ARMC3: variants seen among roughly 807,000 people sequenced by gnomAD.
ARMC3 encodes armadillo repeat containing 3.
Under a neutral mutation model 90.3 loss-of-function variants are expected in ARMC3, and 74 were observed. The observed-to-expected ratio is 0.82, with a 90% confidence interval of 0.68 to 0.99. The LOEUF is 0.99. Ranked by LOEUF, ARMC3 falls within the 50% of genes least tolerant of loss-of-function variation. ARMC3 has a pLI of 0.00. For missense variants in ARMC3, 958 were observed against 1,042.8 expected (o/e 0.92, Z 1.12); for synonymous variants, 334 against 361.8 (o/e 0.92, Z 0.87).
chr10:22,969,473 C>T (rs1043427480), intron 8 of ARMC3, among the ~76,000 whole-genome samples: 6 of 152,112 alleles, frequency 3.9e-5, no homozygotes, highest in Admixed American at 1.3e-4. Flanking sequence ...GGAAACACTC[C>T]ATTTTCAGCA....
chr10:22,972,331 T>G (rs1203261814), intron 8 of ARMC3, among the ~76,000 whole-genome samples: 1 of 152,212 alleles, frequency 6.6e-6, no homozygotes, highest in African/African-American at 2.4e-5. Flanking sequence ...ATTTAGGTCT[T>G]GATCCATTTT....
chr10:23,037,305 A>T lies in ARMC3; in HGVS notation c.2445A>T (p.Leu815=), dbSNP rs1839157015. The change falls in exon 19 of 19, where the codon CTA becomes CTT. Residue 815 remains leucine, a synonymous_variant. Coordinates refer to ENST00000298032, the MANE Select transcript of ARMC3 (RefSeq NM_173081.5). ...LADRIGIGCS[L]VRGEYGRAWN... ...ATAGAATTGGCATTGGTTGCTCCCT[A>T]GTTCGCGGAGAGTACGGTAGAGCGT... 5.0e-6 allele frequency: 8 copies of T among 1,606,464 alleles called. No individual in the cohort carries two copies. The highest frequency in any genetic ancestry group is 6.8e-6 in the Non-Finnish European group (8 of 1,174,850).
intron 7 of ARMC3, among the ~76,000 whole-genome samples, chr10:22,963,832 G>A (rs1357774119): frequency 6.9e-6 from 1 of 144,424 alleles, no homozygotes; most frequent in Non-Finnish European, 1.5e-5. Context: ...GGAGGTTGCA[G>A]TGAGCTGAGA....
chr10:22,988,645 A>T (rs968963395), intron 10 of ARMC3, among the ~76,000 whole-genome samples: 2 of 152,162 alleles, frequency 1.3e-5, no homozygotes, highest in Non-Finnish European at 2.9e-5. Context: ...AAGGGGGGAA[A>T]AATCTCTTAA....
chr10:23,035,830 C>T (rs904854181), intron 18 of ARMC3, among the ~76,000 whole-genome samples: 3 of 152,144 alleles, frequency 2.0e-5, no homozygotes, highest in Non-Finnish European at 2.9e-5. Context: ...GCTACTGGGC[C>T]CCACATCTGC....
chr10:23,008,438 GTTTTAGA>G, intron 15 of ARMC3, 64 bp downstream of exon 15: 1 of 933,546 alleles, frequency 1.1e-6, no homozygotes, highest in Admixed American at 2.9e-5. Flanking sequence ...GTGAAAAAAT[GTTTTAGA>G]TTTTAGATTG....
chr10:23,018,724 G>A (rs1588929760), intron 16 of ARMC3, among the ~76,000 whole-genome samples: 1 of 152,028 alleles, frequency 6.6e-6, no homozygotes, highest in East Asian at 1.9e-4. Flanking sequence ...CACCACATTA[G>A]CCAGGATGGT....
chr10:23,033,359 G>T (rs1838998550), intron 18 of ARMC3, among the ~76,000 whole-genome samples: 1 of 152,168 alleles, frequency 6.6e-6, no homozygotes, highest in African/African-American at 2.4e-5. Context: ...CACTCAAGGG[G>T]TACCTAAACC....
intron 16 of ARMC3, among the ~76,000 whole-genome samples, chr10:23,025,674 T>C (rs1367840502): frequency 6.6e-6 from 1 of 151,948 alleles, no homozygotes; most frequent in African/African-American, 2.4e-5. Flanking sequence ...TCTGAGCTTC[T>C]ACCTCAAGAA....
chr10:22,973,294 T>TAAC (rs1564363852), intron 8 of ARMC3, among the ~76,000 whole-genome samples: 1 of 53,030 alleles, frequency 1.9e-5, no homozygotes, highest in Non-Finnish European at 3.7e-5. Flanking sequence ...GCAAGACCCT[T>TAAC]AATAATAATA....
chr10:23,030,735 G>A lies in ARMC3; in HGVS notation c.2185G>A (p.Glu729Lys). ...CCCTGATTTCTCTATGTATGTGTAT[G>A]AGGTGACCAAATCAATACTGCCAAT... The part of the protein sequence containing the change: ...SDPDFSMYVY[E>K]VTKSILPITN... Residue 729 changes from glutamate to lysine, a missense_variant, in exon 17 of 19, where the codon GAG becomes AAG. Physicochemically the swap from Glu to Lys is moderately conservative, Grantham distance 56. Transcript: ENST00000298032. 3 of 1,613,800 alleles carry A rather than the reference G, an allele frequency of 1.9e-6. No individual in the cohort carries two copies. Among genetic ancestry groups the A allele is most frequent in the Non-Finnish European group, 2.5e-6 (3 of 1,179,784 alleles).
At chr10:22,969,304 T>C (rs1176817702) in intron 8 of ARMC3, among the ~76,000 whole-genome samples, 1 of 152,196 alleles carries the variant, frequency 6.6e-6, no homozygotes, top group Non-Finnish European at 1.5e-5. Flanking sequence ...AATTATAGTT[T>C]TAATTTATGT....
chr10:22,952,764 G>A (rs1451111334), intron 3 of ARMC3, among the ~76,000 whole-genome samples: 2 of 152,116 alleles, frequency 1.3e-5, no homozygotes, highest in Non-Finnish European at 2.9e-5. Context: ...TAACATAGAT[G>A]TAAAAATTCT....
In ARMC3 at chr10:22,992,180, C is replaced by T. The variant is rs147496932; in HGVS notation, c.1176-5968C>T. On this transcript the variant is annotated intron_variant, in intron 10 of 18. Transcript: ENST00000298032. ...CTCTGTGTCACTTGGGAGGAAATTA[C>T]ATTTGATTTCCCCAGACTTTGATTG... Among the ~76,000 whole-genome samples, 1,271 of 152,280 alleles carry T rather than the reference C, an allele frequency of 8.3e-3. 7 individuals are homozygous for T. Among genetic ancestry groups the T allele is most frequent in the Non-Finnish European group, 0.014 (952 of 68,020 alleles).
At position 23,036,699 on chromosome 10, in the gene ARMC3, C is replaced by G. The variant is rs139230089; in HGVS notation, c.2410-571C>G. ...CTGAGTAGTCTCCAGATTAGAGATA[C>G]TTTGTTTTAATAACCTCAAAATCAG... On this transcript the variant is annotated intron_variant, in intron 18 of 18. Transcript: ENST00000298032. 2.6e-3 allele frequency among the ~76,000 whole-genome samples: 403 copies of G among 152,320 alleles called. 1 individual carries two copies. The highest frequency in any genetic ancestry group is 4.1e-3 in the Admixed American group (62 of 15,302).
chr10:22,955,834 A>G lies in ARMC3; in HGVS notation c.194A>G (p.Glu65Gly), dbSNP rs191691656. The G allele has an allele frequency of 2.5e-6, 4 of 1,613,938 alleles. No individual in the cohort carries two copies. Residue 65 changes from glutamate (E) to glycine (G), a missense_variant, in exon 4 of 19, where the codon GAA becomes GGA. Transcript: ENST00000298032. ...GAGGAAAATAAAACAACCCTCCTTG[A>G]ACTTGGAGCTGTGGAACCTTTAACT... Reference protein sequence around the residue: ...KGEENKTTLLELGAVEPLTKL... With the variant: ...KGEENKTTLLGLGAVEPLTKL...
At chr10:22,956,314 T>C (rs939633918) in intron 4 of ARMC3, among the ~76,000 whole-genome samples, 49 of 152,250 alleles carry the variant, frequency 3.2e-4, no homozygotes, top group African/African-American at 1.2e-3. Context: ...ATAAACTCTT[T>C]TTTTGAAACT....
intron 13 of ARMC3, 150 bp downstream of exon 13, chr10:23,003,564 T>G (rs538377749): frequency 1.4e-5 from 10 of 737,706 alleles, no homozygotes; most frequent in African/African-American, 7.3e-5. Context: ...TTCTTAACTT[T>G]AGTTATAAGA....
rs530603491 is a variant in ARMC3, at chr10:22,953,187, G to A, written c.167-2620G>A. Among the ~76,000 whole-genome samples the A allele has an allele frequency of 3.3e-5, 5 of 152,192 alleles. No homozygotes were observed. The South Asian group carries it at 1.0e-3, about 32-fold the overall frequency. On this transcript the variant is annotated intron_variant, in intron 3 of 18. Coordinates refer to ENST00000298032, the MANE Select transcript of ARMC3 (RefSeq NM_173081.5). Reference sequence around the variant, plus strand: ...TGATTTCTGGCTTTGAAGACGAAAGGGGCTCACTAGCCAAGGAATGCTACC... The same window carrying A: ...TGATTTCTGGCTTTGAAGACGAAAGAGGCTCACTAGCCAAGGAATGCTACC...
Sources: allele counts gnomAD v4.1 joint callset (sites outside exome capture counted in the v4.1 genomes callset), GRCh38; gene constraint gnomAD v4.1.1; transcripts MANE v1.5; gene names NCBI Gene and HGNC (gene_info 2026-07-23, HGNC 2026-07-21).